Variants in DYNLT2 observed in about 807,000 individuals in gnomAD.
DYNLT2 encodes the protein dynein light chain Tctex-type protein 2.
In DYNLT2, 24 loss-of-function variants were observed where a neutral mutation model predicts 24.3. That is an observed-to-expected ratio of 0.99 (90% CI 0.71 to 1.39). The LOEUF is 1.39. Ranked by LOEUF, DYNLT2 falls within the 40% of genes most tolerant of loss-of-function variation. DYNLT2 has a pLI of 0.00. For missense variants in DYNLT2, 246 were observed against 234.5 expected (o/e 1.05, Z -0.32); for synonymous variants, 85 against 85.4 (o/e 1.00, Z 0.03).
the DYNLT2 span, among the ~76,000 whole-genome samples, chr6:169,727,909 A>G: frequency 9.2e-5 from 14 of 152,310 alleles, no homozygotes; most frequent in East Asian, 2.5e-3. Context: ...CCTTCATGAA[A>G]TATAAAGGGA....
chr6:169,745,616 A>G (rs960518098), intron 1 of DYNLT2, among the ~76,000 whole-genome samples: 1 of 152,194 alleles, frequency 6.6e-6, no homozygotes, highest in Non-Finnish European at 1.5e-5. Flanking sequence ...CATTCCAGGA[A>G]CAAATTTCAC....
chr6:169,725,568 A>C, the DYNLT2 span: 1 of 374,894 alleles, frequency 2.7e-6, no homozygotes, highest in Non-Finnish European at 4.7e-6. Context: ...TCTTGTCTGA[A>C]TCTGCCAAGA....
At chr6:169,726,467 G>A in the DYNLT2 span, among the ~76,000 whole-genome samples, 399 of 152,334 alleles carry the variant, frequency 2.6e-3, 3 homozygotes, top group African/African-American at 9.1e-3. Context: ...AGGCTGAGGG[G>A]TGGGAAAATA....
At position 169,748,747 on chromosome 6, in the gene DYNLT2, C is replaced by T. The variant is rs567168346; in HGVS notation, c.120+2592G>A. ...ACATAGTATCATTAACAGCGGCTTT[C>T]AACTGCAATGATTCTTAAGGAAATG... On this transcript the variant is annotated intron_variant, in intron 1 of 3. Transcript: ENST00000366774. 2.6e-5 allele frequency among the ~76,000 whole-genome samples: 4 copies of T among 152,302 alleles called. No homozygotes were observed. In the South Asian group the frequency reaches 6.2e-4, roughly 24 times the overall value.
At chr6:169,749,024 T>C (rs1236124266) in intron 1 of DYNLT2, among the ~76,000 whole-genome samples, 1 of 152,246 alleles carries the variant, frequency 6.6e-6, no homozygotes, top group East Asian at 1.9e-4. Flanking sequence ...TGAGCCTACA[T>C]ATAGCCCTAA....
chr6:169,740,103 ATAT>A (rs1333239327), downstream of DYNLT2: 26 of 908,202 alleles, frequency 2.9e-5, no homozygotes, highest in Non-Finnish European at 4.3e-5. Flanking sequence ...CAAATCAGAA[ATAT>A]TATGAGGTTT....
chr6:169,751,326 T>A lies in DYNLT2; in HGVS notation c.120+13A>T. The A allele has an allele frequency of 6.2e-7, 1 of 1,612,696 alleles. No homozygotes were observed. The highest frequency in any genetic ancestry group is 8.5e-7 in the Non-Finnish European group (1 of 1,179,424). The stretch of plus-strand genomic sequence containing the variant: ...CATAGCCGTCTCGGGCCCCTAGCAG[T>A]CTCCGCACTCACTGCCTCCTTCTCG... On this transcript the variant is annotated intron_variant, in intron 1 of 3. Transcript: ENST00000366774.
the DYNLT2 span, chr6:169,725,526 C>T: frequency 2.5e-6 from 1 of 393,688 alleles, no homozygotes; most frequent in South Asian, 1.4e-4. Flanking sequence ...GCCTCTGTCC[C>T]ACCACGTGCA....
At chr6:169,732,956 G>A in the DYNLT2 span, among the ~76,000 whole-genome samples, 3 of 152,228 alleles carry the variant, frequency 2.0e-5, no homozygotes, top group Non-Finnish European at 4.4e-5. Context: ...ATTGTTTTCG[G>A]ACTTTTTAAT....
At chr6:169,743,430 T>C (rs1789725133) in intron 2 of DYNLT2, among the ~76,000 whole-genome samples, 192 bp from the exon 3 acceptor site, 1 of 152,006 alleles carries the variant, frequency 6.6e-6, no homozygotes, top group African/African-American at 2.4e-5. Flanking sequence ...TTTATTGGGG[T>C]TTTCAAATTA....
At chr6:169,751,134 G>C in intron 1 of DYNLT2, 4 of 690,722 alleles carry the variant, frequency 5.8e-6, no homozygotes, top group Non-Finnish European at 9.4e-6. Flanking sequence ...TAAAAAACAA[G>C]AAAACTTTAG....
chr6:169,729,223 A>T, the DYNLT2 span, among the ~76,000 whole-genome samples: 1 of 152,234 alleles, frequency 6.6e-6, no homozygotes, highest in Non-Finnish European at 1.5e-5. Flanking sequence ...AATTTAAACC[A>T]AAAGATCCTG....
At chr6:169,725,280 A>C in the DYNLT2 span, 64 of 398,684 alleles carry the variant, frequency 1.6e-4, no homozygotes, top group African/African-American at 1.3e-3. Flanking sequence ...TCGGATTTAA[A>C]GTACAATCCG....
In DYNLT2 at chr6:169,751,563, G is replaced by T. The variant is rs925376351; in HGVS notation, c.-105C>A. ...GAAGTCTCCCACCTGCGCCTCGTAC[G>T]GTAGGAAGTGCCCGCCAGGGCTCCA... On this transcript the variant is annotated 5_prime_UTR_variant, in exon 1 of 4. Transcript: ENST00000366774. The T allele has an allele frequency of 3.7e-6, 6 of 1,609,316 alleles. 1 individual carries two copies. The highest frequency in any genetic ancestry group is 2.7e-5 in the African/African-American group (2 of 74,882).
At chr6:169,746,369 C>G (rs1789800603) in intron 1 of DYNLT2, among the ~76,000 whole-genome samples, 1 of 152,102 alleles carries the variant, frequency 6.6e-6, no homozygotes, top group Admixed American at 6.6e-5. Context: ...ACATTCAATA[C>G]TATACATTTC....
chr6:169,741,977 G>T (rs1262912415), intron 3 of DYNLT2, among the ~76,000 whole-genome samples: 1 of 152,086 alleles, frequency 6.6e-6, no homozygotes, highest in Non-Finnish European at 1.5e-5. Context: ...TGCCAGTCCA[G>T]GTCCCCCTCC....
downstream of DYNLT2, among the ~76,000 whole-genome samples, chr6:169,738,376 C>T (rs1008298950): frequency 3.3e-5 from 5 of 152,244 alleles, no homozygotes; most frequent in African/African-American, 9.6e-5. Context: ...AGAGGCTGTA[C>T]GAATCTGCGC....
the DYNLT2 span, among the ~76,000 whole-genome samples, chr6:169,726,131 A>G: frequency 6.6e-6 from 1 of 152,244 alleles, no homozygotes; most frequent in African/African-American, 2.4e-5. Context: ...ATCAAATGCA[A>G]ATTTATTCTG....
At chr6:169,733,922 G>C in the DYNLT2 span, among the ~76,000 whole-genome samples, 5 of 152,168 alleles carry the variant, frequency 3.3e-5, no homozygotes, top group Non-Finnish European at 5.9e-5. Context: ...CCCTGAGGAT[G>C]GAATGTTTTC....
Sources: gnomAD v4.1 joint callset for allele counts (sites outside exome capture counted in the v4.1 genomes callset) on GRCh38, gnomAD v4.1.1 for gene constraint, MANE v1.5 for transcripts, NCBI Gene and HGNC (gene_info 2026-07-23, HGNC 2026-07-21) for gene names.